The following TBCD variants were observed in gnomAD, a reference collection of about 807,000 sequenced individuals.
The protein encoded by TBCD is tubulin-specific chaperone D.
Under a neutral mutation model 169.3 loss-of-function variants are expected in TBCD, and 105 were observed. The observed-to-expected ratio is 0.62, with a 90% CI of 0.53 to 0.73. The LOEUF (loss-of-function observed/expected upper bound fraction) is 0.73, where lower values mean the gene tolerates loss of function less well. Ranked by LOEUF, TBCD falls within the 30% of genes least tolerant of loss-of-function variation. The pLI is 0.00. For missense variants in TBCD, 1,444 were observed against 1,600.1 expected (o/e 0.90, Z 1.66); for synonymous variants, 700 against 643.9 (o/e 1.09, Z -1.32).
At position 82,920,272 on chromosome 17, in the gene TBCD, C is replaced by T. The variant is rs890623220; in HGVS notation, c.2039-284C>T. On this transcript the variant is annotated intron_variant, in intron 23 of 38. Transcript: ENST00000355528. This position sits in a 1 kb window ranked among gnomAD's most constrained non-coding sequence, Gnocchi z 4.1. ...CGTCTGCAGCTCCCTGACAGGCCGG[C>T]CCGGCTTCTCTGAAGTGCACGTGGG... Among the ~76,000 whole-genome samples the T allele has an allele frequency of 5.3e-5, 8 of 152,234 alleles. No individual in the cohort carries two copies. The highest frequency in any genetic ancestry group is 1.9e-4 in the African/African-American group (8 of 41,458).
chr17:82,920,716 A>G lies in TBCD; in HGVS notation c.2101+98A>G, dbSNP rs2061368016. The G allele has an allele frequency of 9.2e-7, 1 of 1,083,522 alleles. No homozygotes were observed. The highest frequency in any genetic ancestry group is 1.3e-6 in the Non-Finnish European group (1 of 750,760). 67.1% of individuals were successfully genotyped at this position (1,083,522 alleles called of 1,614,324 possible). On this transcript the variant is annotated intron_variant, in intron 24 of 38. Coordinates refer to ENST00000355528, the MANE Select transcript of TBCD (RefSeq NM_005993.5). This position sits in a 1 kb window ranked among gnomAD's most constrained non-coding sequence, Gnocchi z 4.1. ...GTTAGGATGGGGGCGATAAACGATTATAGCTTAAAGGTTCAAGATATTAAT... is the reference window on the plus strand; with the variant it reads ...GTTAGGATGGGGGCGATAAACGATTGTAGCTTAAAGGTTCAAGATATTAAT...
chr17:82,778,202 C>A (rs140782363), intron 6 of TBCD, among the ~76,000 whole-genome samples: 2 of 152,100 alleles, frequency 1.3e-5, no homozygotes, highest in Non-Finnish European at 2.9e-5. Context: ...TATAACTATT[C>A]TTGTTTTATA....
intron 34 of TBCD, among the ~76,000 whole-genome samples, chr17:82,933,790 G>T (rs10445242): frequency 0.5 from 76,054 of 151,332 alleles, 19,211 homozygotes; most frequent in East Asian, 0.65. Context: ...TGTTTGTATT[G>T]TTAGTAGATA....
intron 13 of TBCD, among the ~76,000 whole-genome samples, chr17:82,821,702 A>G (rs891684126): frequency 6.6e-6 from 1 of 152,138 alleles, no homozygotes; most frequent in African/African-American, 2.4e-5. Context: ...CCAAAGCCAC[A>G]GAGAAGCCCA....
chr17:82,905,754 C>T (rs1599418329), intron 19 of TBCD, among the ~76,000 whole-genome samples, 182 bp from the exon 20 acceptor site: 2 of 129,346 alleles, frequency 1.5e-5, no homozygotes, highest in East Asian at 2.5e-4. Context: ...ACAGGTCGTC[C>T]GTGTGTGCAC....
chr17:82,938,588 G>A (rs959720959), intron 36 of TBCD, among the ~76,000 whole-genome samples: 7 of 152,216 alleles, frequency 4.6e-5, no homozygotes, highest in African/African-American at 1.2e-4. Context: ...GGTGGTTCTC[G>A]AAGTGGGGTG....
intron 13 of TBCD, among the ~76,000 whole-genome samples, chr17:82,860,881 C>A (rs2056700238): frequency 6.6e-6 from 1 of 152,230 alleles, no homozygotes; most frequent in Admixed American, 6.5e-5. Flanking sequence ...GGCACTGGGA[C>A]ACGGCCATTG....
At chr17:82,793,818 A>G (rs1424515975) in intron 7 of TBCD, among the ~76,000 whole-genome samples, 4 of 150,072 alleles carry the variant, frequency 2.7e-5, no homozygotes, top group South Asian at 2.1e-4. Flanking sequence ...GGGCACGGCT[A>G]CCCTCCGTGT....
intron 28 of TBCD, 104 bp from the exon 29 acceptor site, chr17:82,927,082 C>A: frequency 1.3e-6 from 2 of 1,530,846 alleles, no homozygotes; most frequent in South Asian, 1.3e-5. Flanking sequence ...CTGGACTGTT[C>A]TGAGCGTGTC....
intron 7 of TBCD, among the ~76,000 whole-genome samples, chr17:82,786,404 C>T (rs897383617): frequency 2.0e-5 from 3 of 152,034 alleles, no homozygotes; most frequent in African/African-American, 7.2e-5. Context: ...GGCCGTTAGC[C>T]CTGCCCCGAG....
At chr17:82,846,269 T>TGCGTCCAGCGTGCC (rs1567878926) in intron 13 of TBCD, among the ~76,000 whole-genome samples, 5 of 118,678 alleles carry the variant, frequency 4.2e-5, no homozygotes, top group African/African-American at 1.5e-4. Context: ...TCCTCTGTGC[T>TGCGTCCAGCGTGCC]GTGTCCTCTT....
chr17:82,916,341 T>C (rs545427382), intron 23 of TBCD, among the ~76,000 whole-genome samples: 1 of 152,110 alleles, frequency 6.6e-6, no homozygotes, highest in African/African-American at 2.4e-5. Flanking sequence ...ATCTCCCAGG[T>C]TCAAGTGTTT....
chr17:82,780,295 C>A (rs112363501), intron 6 of TBCD, among the ~76,000 whole-genome samples: 10 of 151,600 alleles, frequency 6.6e-5, no homozygotes, highest in African/African-American at 2.2e-4. Context: ...CCGTTTCCTT[C>A]GTAACTTTTC....
Position 82,831,983 on chromosome 17 carries a change from G to A in TBCD, c.1318+17049G>A, listed in dbSNP as rs768060518. On this transcript the variant is annotated intron_variant, in intron 13 of 38. Coordinates refer to ENST00000355528, the MANE Select transcript of TBCD (RefSeq NM_005993.5). This position sits in a 1 kb window ranked among gnomAD's most constrained non-coding sequence, Gnocchi z 4.6. ...CCGACTGGAACAAATGCAGAAGGCC[G>A]AGCTGCGCCTTCCAGAGCAGGCTGG... 1.6e-5 allele frequency: 26 copies of A among 1,613,312 alleles called. No individual in the cohort carries two copies. The highest frequency in any genetic ancestry group is 1.9e-5 in the Non-Finnish European group (22 of 1,179,400).
intron 33 of TBCD, among the ~76,000 whole-genome samples, chr17:82,932,296 C>T (rs573943566): frequency 3.3e-5 from 5 of 152,346 alleles, no homozygotes; most frequent in Admixed American, 2.0e-4. Context: ...TGACGCCCAG[C>T]GGTGCCCACC....
chr17:82,930,729 G>A lies in TBCD; in HGVS notation c.3113+86G>A, dbSNP rs2062126034. The A allele has an allele frequency of 6.3e-7, 1 of 1,586,148 alleles. No homozygotes were observed. The highest frequency in any genetic ancestry group is 1.1e-5 in the South Asian group (1 of 87,576). ...CCCACAGATTCCCGGGGTCTCGCAG[G>A]GTCTGTCTGGGGTCTGAAGGGAGAA... On this transcript the variant is annotated intron_variant, in intron 33 of 38. Transcript: ENST00000355528. This position sits in a 1 kb window ranked among gnomAD's most constrained non-coding sequence, Gnocchi z 5.2.
intron 7 of TBCD, among the ~76,000 whole-genome samples, chr17:82,787,541 C>A (rs1455713753): frequency 6.6e-6 from 1 of 152,266 alleles, no homozygotes; most frequent in South Asian, 2.1e-4. Context: ...GGGTGCTGAG[C>A]GGGTGGGAGG....
intron 13 of TBCD, chr17:82,859,933 C>G (rs1284578790): frequency 4.1e-6 from 4 of 975,738 alleles, no homozygotes; most frequent in African/African-American, 1.8e-5. Flanking sequence ...TTTGGCCTCC[C>G]CAGCCGTCTG....
At position 82,782,756 on chromosome 17, in the gene TBCD, A is replaced by ATTGTCTTCCTATCCGCGGCG. The variant is rs1420555685; in HGVS notation, c.771+1046_771+1065dup. On this transcript the variant is annotated intron_variant, in intron 7 of 38. Transcript: ENST00000355528. The surrounding 1 kb of genome is among the most constrained non-coding windows in gnomAD (Gnocchi z 5.1). Reference sequence around the variant, plus strand: ...GCAGCATCGTCTTCCTATCCGCGGCATTGTCTTCCTATCCGCGGCGTTGTC... The same window carrying ATTGTCTTCCTATCCGCGGCG: ...GCAGCATCGTCTTCCTATCCGCGGCATTGTCTTCCTATCCGCGGCGTTGTCTTCCTATCCGCGGCGTTGTC... Among the ~76,000 whole-genome samples, 3 of 137,374 alleles carry ATTGTCTTCCTATCCGCGGCG rather than the reference A, an allele frequency of 2.2e-5. No individual in the cohort carries two copies. The highest frequency in any genetic ancestry group is 4.6e-5 in the Non-Finnish European group (3 of 65,900). 90.1% of individuals were successfully genotyped at this position (137,374 alleles called of 152,430 possible).
Sources: gnomAD v4.1 joint callset for allele counts (sites outside exome capture counted in the v4.1 genomes callset) on GRCh38, gnomAD v4.1.1 for gene constraint, Gnocchi (gnomAD v3.1) non-coding constraint, MANE v1.5 for transcripts, NCBI Gene and HGNC (gene_info 2026-07-23, HGNC 2026-07-21) for gene names.